SLC35E2B: variants seen among roughly 807,000 people sequenced by gnomAD.
The protein encoded by SLC35E2B is solute carrier family 35, member E2B.
A neutral mutation model predicts 32.4 loss-of-function variants in SLC35E2B; 18 were observed. The observed-to-expected ratio is 0.56, with a 90% CI of 0.38 to 0.82. The LOEUF is 0.82. SLC35E2B is among the 40% of genes least tolerant of loss of function. The probability of loss-of-function intolerance (pLI) is 0.00; values close to 1 mark genes in which losing one functional copy is unlikely to be tolerated. For missense variants in SLC35E2B, 263 were observed against 469.5 expected, an observed-to-expected ratio of 0.56 and a Z score of 4.06; for synonymous variants, 132 against 209.1, an observed-to-expected ratio of 0.63 and a Z score of 3.18.
chr1:1,683,767 G>A (rs1344296081), intron 2 of SLC35E2B, among the ~76,000 whole-genome samples: 2 of 152,078 alleles, frequency 1.3e-5, no homozygotes, highest in Admixed American at 1.3e-4. Flanking sequence ...GGTGTGATCA[G>A]CATAAGCTCC....
intron 2 of SLC35E2B, among the ~76,000 whole-genome samples, chr1:1,683,283 G>A (rs1243882260): frequency 2.0e-5 from 3 of 152,212 alleles, no homozygotes; most frequent in South Asian, 4.1e-4. Context: ...CCCCTGCGGC[G>A]AGGGCTGGAT....
rs915352474 is a variant in SLC35E2B, at chr1:1,661,572, C to A, written c.*4210G>T. ...TTGGACAAAAATAACGAGGAGGCAT[C>A]CACGGGATTAGTTACACGGTATCAA... On this transcript the variant is annotated 3_prime_UTR_variant, in exon 10 of 10. Coordinates refer to ENST00000617444, the MANE Select transcript of SLC35E2B (RefSeq NM_001290264.2). 22 of 722,856 alleles carry A rather than the reference C, an allele frequency of 3.0e-5. No homozygotes were observed. In the African/African-American group the frequency reaches 4.1e-4, roughly 14 times the overall value. 44.8% of individuals were successfully genotyped at this position (722,856 alleles called of 1,614,324 possible). A position where few individuals can be genotyped will look rare whatever the true frequency, so the allele number is the denominator to read the frequency against.
chr1:1,679,799 C>A (rs1570337361), intron 2 of SLC35E2B, among the ~76,000 whole-genome samples: 1 of 142,752 alleles, frequency 7.0e-6, no homozygotes, highest in East Asian at 2.1e-4. Flanking sequence ...GCCATTGCAC[C>A]CCAGCCTGAG....
chr1:1,669,530 G>T, intron 8 of SLC35E2B, 134 bp downstream of exon 8: 1 of 836,870 alleles, frequency 1.2e-6, no homozygotes, highest in Non-Finnish European at 1.8e-6. Context: ...GGGCAACTCA[G>T]CTAAGCAGGA....
intron 2 of SLC35E2B, among the ~76,000 whole-genome samples, chr1:1,687,314 C>T (rs539883798): frequency 4.6e-5 from 7 of 152,296 alleles, no homozygotes; most frequent in East Asian, 3.9e-4. Context: ...CAATGGCTCA[C>T]GCCTGTAATC....
rs1385446342 is a variant in SLC35E2B, at chr1:1,664,313, A to G, written c.*1469T>C. 1.1e-6 allele frequency: 1 copy of G among 912,974 alleles called. No individual in the cohort carries two copies. The highest frequency in any genetic ancestry group is 1.3e-6 in the Non-Finnish European group (1 of 763,468). 56.6% of individuals were successfully genotyped at this position (912,974 alleles called of 1,614,324 possible). The stretch of plus-strand genomic sequence containing the variant: ...TCTGTTTCTGAATGATTTTATCTTC[A>G]GGAGGGGCTATTTTTGTATTTCCCA... On this transcript the variant is annotated 3_prime_UTR_variant, in exon 10 of 10. Coordinates refer to ENST00000617444, the MANE Select transcript of SLC35E2B (RefSeq NM_001290264.2).
rs1643436006 is a variant in SLC35E2B at position 1,662,692 on chromosome 1, A to G, written c.*3090T>C. ...TCGGATTTTCTTTTTTAACCTTTTT[A>G]TGCCTTTCAGTAGGGGAAGTTTCCT... On this transcript the variant is annotated 3_prime_UTR_variant, in exon 10 of 10. Transcript: ENST00000617444. 5.5e-6 allele frequency: 4 copies of G among 730,658 alleles called. No individual in the cohort carries two copies. In the African/African-American group the frequency reaches 7.4e-5, roughly 13 times the overall value. The allele number at this position is 730,658 out of a possible 1,614,324, so 45.3% of individuals were successfully genotyped here. A position where few individuals can be genotyped will look rare whatever the true frequency, so the allele number is the denominator to read the frequency against.
intron 2 of SLC35E2B, among the ~76,000 whole-genome samples, chr1:1,680,651 C>T (rs1436354416): frequency 2.0e-5 from 3 of 152,078 alleles, no homozygotes; most frequent in Non-Finnish European, 4.4e-5. Flanking sequence ...GTCTCCATTC[C>T]CCTCCCAATC....
In SLC35E2B at chr1:1,678,655, T is replaced by C. The variant is rs78896679; in HGVS notation, c.-147-1809A>G. Among the ~76,000 whole-genome samples the C allele has an allele frequency of 2.0e-5, 3 of 152,182 alleles. No homozygotes were observed. In the East Asian group the frequency reaches 5.8e-4, roughly 29 times the overall value. On this transcript the variant is annotated intron_variant, in intron 2 of 9. Coordinates refer to ENST00000617444, the MANE Select transcript of SLC35E2B (RefSeq NM_001290264.2). ...TCCACCAGTTCCCACAGCCTCGGAATAACAAAGGACTCATCCACTCCTCGG... is the reference window on the plus strand; with the variant it reads ...TCCACCAGTTCCCACAGCCTCGGAACAACAAAGGACTCATCCACTCCTCGG...
Position 1,673,533 on chromosome 1 carries a change from G to A in SLC35E2B, c.587-1904C>T, listed in dbSNP as rs527932143. The A allele has an allele frequency of 8.3e-3, 1,842 of 221,222 alleles. 35 individuals are homozygous for A. Among genetic ancestry groups the A allele is most frequent in the African/African-American group, 0.041 (1,745 of 42,630 alleles). The allele number at this position is 221,222 out of a possible 1,614,324, so 13.7% of individuals were successfully genotyped here. On this transcript the variant is annotated intron_variant, in intron 5 of 9. Coordinates refer to ENST00000617444, the MANE Select transcript of SLC35E2B (RefSeq NM_001290264.2). ...AAATACAAAAATTAGCTGGGTGTGG[G>A]GCCACATGCCTGTAATCCCAGCTAC...
intron 2 of SLC35E2B, among the ~76,000 whole-genome samples, chr1:1,677,677 G>A (rs953400101): frequency 1.1e-4 from 16 of 151,018 alleles, no homozygotes; most frequent in African/African-American, 3.2e-4. Flanking sequence ...TAGTAGAGAC[G>A]GGTTTTCACC....
intron 2 of SLC35E2B, among the ~76,000 whole-genome samples, chr1:1,688,504 C>A (rs1444875342): frequency 6.6e-6 from 1 of 151,314 alleles, no homozygotes; most frequent in Non-Finnish European, 1.5e-5. Context: ...GGAGGCTGAG[C>A]CAGGAGAATC....
chr1:1,685,384 G>A (rs575200933), intron 2 of SLC35E2B, among the ~76,000 whole-genome samples: 2 of 139,318 alleles, frequency 1.4e-5, no homozygotes, highest in Non-Finnish European at 3.0e-5. Flanking sequence ...CTGCACTCCA[G>A]CCTGGGCGAC....
chr1:1,686,521 C>A (rs986196960), intron 2 of SLC35E2B, among the ~76,000 whole-genome samples: 8 of 151,982 alleles, frequency 5.3e-5, no homozygotes, highest in African/African-American at 9.7e-5. Flanking sequence ...CGGTGACTCA[C>A]GCCTGTGATC....
At chr1:1,684,315 C>G (rs921296633) in intron 2 of SLC35E2B, among the ~76,000 whole-genome samples, 1 of 152,172 alleles carries the variant, frequency 6.6e-6, no homozygotes, top group Non-Finnish European at 1.5e-5. Flanking sequence ...TCAGACAACC[C>G]CACCGGAAGT....
intron 2 of SLC35E2B, among the ~76,000 whole-genome samples, chr1:1,681,933 C>T (rs1339285492): frequency 3.1e-5 from 4 of 127,480 alleles, no homozygotes; most frequent in African/African-American, 1.1e-4. Context: ...TGCAGCGAGC[C>T]GAGATCGCGC....
At chr1:1,667,727 C>T (rs1165490472) in intron 9 of SLC35E2B, among the ~76,000 whole-genome samples, 2 of 152,124 alleles carry the variant, frequency 1.3e-5, no homozygotes, top group African/African-American at 2.4e-5. Flanking sequence ...TCGCAACGCC[C>T]GACTATTCTA....
At chr1:1,670,014 C>T in intron 7 of SLC35E2B, 84 bp downstream of exon 7, 2 of 1,257,316 alleles carry the variant, frequency 1.6e-6, no homozygotes, top group Non-Finnish European at 2.3e-6. Flanking sequence ...GGAGTCAGGC[C>T]TGTGGGGTGT....
intron 5 of SLC35E2B, among the ~76,000 whole-genome samples, 189 bp from the exon 6 acceptor site, chr1:1,671,818 C>T (rs1643700906): frequency 6.6e-6 from 1 of 152,202 alleles, no homozygotes; most frequent in African/African-American, 2.4e-5. Flanking sequence ...TAAGTCCCGT[C>T]CCCACGGCAA....
Sources: gnomAD v4.1 joint callset for allele counts (sites outside exome capture counted in the v4.1 genomes callset) on GRCh38, gnomAD v4.1.1 for gene constraint, MANE v1.5 for transcripts, NCBI Gene and HGNC (gene_info 2026-07-23, HGNC 2026-07-21) for gene names.